RPL12: variants seen among roughly 807,000 people sequenced by gnomAD.
RPL12 encodes large ribosomal subunit protein uL11.
In RPL12, 10 loss-of-function variants were observed where a neutral mutation model predicts 24.5. The observed-to-expected ratio is 0.41, with a 90% CI of 0.25 to 0.69. RPL12 has a LOEUF of 0.69. Ranked by LOEUF, RPL12 falls within the 30% of genes least tolerant of loss-of-function variation. The probability of loss-of-function intolerance (pLI) is 0.33; values close to 1 mark genes in which losing one functional copy is unlikely to be tolerated. For synonymous variants in RPL12, 74 were observed against 76.1 expected (o/e 0.97, Z 0.14); for missense variants, 137 against 205.3 (o/e 0.67, Z 2.03).
intron 1 of RPL12, 110 bp downstream of exon 1, chr9:127,451,171 G>C: frequency 7.0e-7 from 1 of 1,434,342 alleles, no homozygotes; most frequent in Non-Finnish European, 9.5e-7. Flanking sequence ...CACCGGGAAG[G>C]TCTCTGGGAG....
intron 2 of RPL12, 112 bp downstream of exon 2, chr9:127,450,619 G>A (rs1468830971): frequency 4.0e-6 from 3 of 744,278 alleles, no homozygotes; most frequent in South Asian, 3.8e-5. Flanking sequence ...CAGGCCTACT[G>A]AGGGTGACAG....
chr9:127,448,233 C>A (rs1834206301), intron 5 of RPL12, 104 bp downstream of exon 5: 2 of 1,074,070 alleles, frequency 1.9e-6, no homozygotes, highest in Non-Finnish European at 2.9e-6. Flanking sequence ...GAAAACTGCA[C>A]CCCATCTTGG....
chr9:127,447,943 A>G lies in RPL12; in HGVS notation c.426T>C (p.Asn142=). The change falls in exon 6 of 7, where the codon AAT becomes AAC. Residue 142 remains asparagine (N), a synonymous_variant. Transcript: ENST00000361436. ...ILGTAQSVGC[N]VDGRHPHDII... Reference sequence around the variant, plus strand: ...TGTCATGAGGATGGCGGCCATCAACATTACAGCCCACTGACTGGGCAGTCC... The same window carrying G: ...TGTCATGAGGATGGCGGCCATCAACGTTACAGCCCACTGACTGGGCAGTCC... 1 of 1,613,716 alleles carries G rather than the reference A, an allele frequency of 6.2e-7. No individual in the cohort carries two copies. The highest frequency in any genetic ancestry group is 8.5e-7 in the Non-Finnish European group (1 of 1,179,924).
chr9:127,450,873 C>CG, intron 1 of RPL12, 69 bp from the exon 2 acceptor site: 1 of 1,201,344 alleles, frequency 8.3e-7, no homozygotes, highest in Non-Finnish European at 1.2e-6. Flanking sequence ...AGCGTCTTTC[C>CG]GGGGTTGGAC....
chr9:127,447,782 C>A, intron 6 of RPL12, 56 bp from the exon 7 acceptor site: 1 of 1,613,028 alleles, frequency 6.2e-7, no homozygotes, highest in East Asian at 2.2e-5. Flanking sequence ...TCCCACCCCA[C>A]CAGTAACCAT....
intron 1 of RPL12, 151 bp from the exon 2 acceptor site, chr9:127,450,955 G>C: frequency 1.5e-6 from 1 of 687,582 alleles, no homozygotes; most frequent in Non-Finnish European, 2.5e-6. Context: ...CTCGGGTGTG[G>C]GCAGCTCCGA....
At chr9:127,448,625 G>A (rs1461785039) in intron 4 of RPL12, 1 of 753,074 alleles carries the variant, frequency 1.3e-6, no homozygotes, top group Non-Finnish European at 2.4e-6. Context: ...CAGGTGCAGT[G>A]GCGGGTGGCT....
intron 2 of RPL12, chr9:127,450,326 C>G (rs1299208574): frequency 5.4e-6 from 1 of 185,404 alleles, no homozygotes; most frequent in Non-Finnish European, 1.1e-5. Flanking sequence ...ACATTAACTG[C>G]TAGGTTTACA....
intron 1 of RPL12, 145 bp from the exon 2 acceptor site, chr9:127,450,949 G>A: frequency 1.4e-6 from 1 of 698,114 alleles, no homozygotes; most frequent in South Asian, 1.9e-5. Context: ...TCCTCCCTCG[G>A]GTGTGGGCAG....
chr9:127,447,808 G>A, intron 6 of RPL12, 69 bp downstream of exon 6: 1 of 1,612,208 alleles, frequency 6.2e-7, no homozygotes, highest in Admixed American at 1.7e-5. Context: ...AAACTTCCCA[G>A]CTTATCTCTG....
rs118192084 is a variant in RPL12, at chr9:127,450,540, A to G, written c.111+191T>C. The G allele has an allele frequency of 3.2e-3, 1,735 of 545,212 alleles. 31 individuals carry two copies. In the East Asian group the frequency reaches 0.041, roughly 13 times the overall value. The allele number at this position is 545,212 out of a possible 1,614,324, so 33.8% of individuals were successfully genotyped here. ...GTGGAGACACATGGAGCTAATTACA[A>G]TTTAAAGGCACCAGGTTCGATTTTT... On this transcript the variant is annotated intron_variant, in intron 2 of 6. Coordinates refer to ENST00000361436, the MANE Select transcript of RPL12 (RefSeq NM_000976.4).
chr9:127,449,374 A>G lies in RPL12; in HGVS notation c.211-12T>C, dbSNP rs1457287311. On this transcript the variant is annotated splice_polypyrimidine_tract_variant and intron_variant, in intron 3 of 6. Transcript: ENST00000361436. ...GGCACCACCTCAATCTGCAGAAGAG[A>G]TTCCTGAGTGAATACTCCACCTCCA... The G allele has an allele frequency of 3.7e-6, 6 of 1,605,482 alleles. No individual in the cohort carries two copies. The highest frequency in any genetic ancestry group is 5.1e-6 in the Non-Finnish European group (6 of 1,178,678).
At chr9:127,449,860 A>C in intron 2 of RPL12, 152 bp from the exon 3 acceptor site, 3 of 640,904 alleles carry the variant, frequency 4.7e-6, no homozygotes, top group Non-Finnish European at 2.8e-6. Flanking sequence ...CATAGCATAA[A>C]TTGGGGGTTG....
intron 4 of RPL12, 163 bp downstream of exon 4, chr9:127,449,118 C>T (rs187317432): frequency 1.5e-5 from 9 of 584,930 alleles, no homozygotes; most frequent in African/African-American, 3.7e-5. Flanking sequence ...AGCCACCCAG[C>T]ATACGTGGCA....
At chr9:127,450,875 G>T in intron 1 of RPL12, 71 bp from the exon 2 acceptor site, 1 of 1,199,222 alleles carries the variant, frequency 8.3e-7, no homozygotes, top group South Asian at 1.4e-5. Context: ...CGTCTTTCCG[G>T]GGTTGGACAC....
At chr9:127,448,703 A>C in intron 4 of RPL12, 1 of 633,478 alleles carries the variant, frequency 1.6e-6, no homozygotes, top group South Asian at 1.4e-5. Context: ...ACAAGCTTAA[A>C]TTGCCAGGGA....
At position 127,447,785 on chromosome 9, in the gene RPL12, G is replaced by C. The variant is rs1834197454; in HGVS notation, c.493-59C>G. 8.1e-6 allele frequency: 13 copies of C among 1,612,612 alleles called. No individual in the cohort carries two copies. In the South Asian group the frequency reaches 1.4e-4, roughly 18 times the overall value. ...TTAAAAGGATTATCCCACCCCACCA[G>C]TAACCATTTCCAAAACTTCCCAGCT... On this transcript the variant is annotated intron_variant, in intron 6 of 6. Coordinates refer to ENST00000361436, the MANE Select transcript of RPL12 (RefSeq NM_000976.4).
chr9:127,451,023 G>T lies in RPL12; in HGVS notation c.38-219C>A, dbSNP rs1006311328. ...GTCGCCCGCTAACCCAGGCCAATGG[G>T]GCGAAACGCCCGGAGACAAGCCTTA... On this transcript the variant is annotated intron_variant, in intron 1 of 6. Coordinates refer to ENST00000361436, the MANE Select transcript of RPL12 (RefSeq NM_000976.4). 5 of 642,638 alleles carry T rather than the reference G, an allele frequency of 7.8e-6. No homozygotes were observed. In the African/African-American group the frequency reaches 9.3e-5, roughly 12 times the overall value. 39.8% of individuals were successfully genotyped at this position (642,638 alleles called of 1,614,324 possible). A position where few individuals can be genotyped will look rare whatever the true frequency, so the allele number is the denominator to read the frequency against.
chr9:127,449,394 C>T (rs769267639), intron 3 of RPL12, 32 bp from the exon 4 acceptor site: 1 of 1,582,122 alleles, frequency 6.3e-7, no homozygotes, highest in Non-Finnish European at 8.6e-7. Context: ...GAATACTCCA[C>T]CTCCAGTGAA....
Sources: allele counts gnomAD v4.1 joint callset, GRCh38; gene constraint gnomAD v4.1.1; transcripts MANE v1.5; gene names NCBI Gene and HGNC (gene_info 2026-07-23, HGNC 2026-07-21).